The following PBX1 variants were observed in gnomAD, a reference collection of about 807,000 sequenced individuals.
PBX1 encodes the protein PBX homeobox 1.
In PBX1, 6 loss-of-function variants were observed where a neutral mutation model predicts 53.4. The ratio of observed to expected loss-of-function variants is 0.11; its 90% CI spans 0.06 to 0.22. The LOEUF is 0.22. PBX1 is among the 10% of genes least tolerant of loss of function. The pLI is 1.00. For synonymous variants in PBX1, 204 were observed against 212.3 expected, an observed-to-expected ratio of 0.96 and a Z score of 0.34; for missense variants, 251 against 551.4, an observed-to-expected ratio of 0.46 and a Z score of 5.46.
chr1:164,601,882 G>A (rs563860438), intron 2 of PBX1, among the ~76,000 whole-genome samples: 19 of 152,276 alleles, frequency 1.2e-4, no homozygotes, highest in Non-Finnish European at 2.6e-4. Context: ...ACTGCCCTCC[G>A]TTTCAGACAG....
intron 4 of PBX1, among the ~76,000 whole-genome samples, chr1:164,806,984 C>T (rs926768408): frequency 3.9e-5 from 6 of 152,126 alleles, no homozygotes; most frequent in Non-Finnish European, 7.4e-5. Flanking sequence ...TGGGGCTGGG[C>T]GCGGTGGCTC....
At chr1:164,661,546 C>A (rs1404289532) in intron 2 of PBX1, among the ~76,000 whole-genome samples, 1 of 151,866 alleles carries the variant, frequency 6.6e-6, no homozygotes, top group African/African-American at 2.4e-5. Context: ...CCTGCCTCAG[C>A]CTCCCGAGTA....
intron 2 of PBX1, among the ~76,000 whole-genome samples, chr1:164,711,432 T>G (rs1663771474): frequency 6.6e-6 from 1 of 152,114 alleles, no homozygotes; most frequent in African/African-American, 2.4e-5. Context: ...CCCGGCTAAT[T>G]TTTTGTATTT....
In PBX1 at chr1:164,848,479, G is replaced by A. The variant is rs991067355; in HGVS notation, c.*1803G>A. ...GGGAAGTAATGTCCCTGAAATAAAC[G>A]GGTTCATGCCATCTAGGGACAATAA... On this transcript the variant is annotated 3_prime_UTR_variant, in exon 9 of 9. Coordinates refer to ENST00000420696, the MANE Select transcript of PBX1 (RefSeq NM_002585.4). The A allele has an allele frequency of 3.8e-6, 4 of 1,057,590 alleles. No homozygotes were observed. Among genetic ancestry groups the A allele is most frequent in the East Asian group, 5.2e-5 (1 of 19,128 alleles). 65.5% of individuals were successfully genotyped at this position (1,057,590 alleles called of 1,614,324 possible). A position where few individuals can be genotyped will look rare whatever the true frequency, so the allele number is the denominator to read the frequency against.
At chr1:164,594,511 G>A (rs1468134621) in intron 2 of PBX1, among the ~76,000 whole-genome samples, 1 of 151,812 alleles carries the variant, frequency 6.6e-6, no homozygotes, top group African/African-American at 2.4e-5. Flanking sequence ...TCGAACTCCT[G>A]ACATGGTGAT....
At chr1:164,640,553 TTTG>T (rs74801377) in intron 2 of PBX1, among the ~76,000 whole-genome samples, 8 of 83,576 alleles carry the variant, frequency 9.6e-5, no homozygotes, top group South Asian at 5.4e-4. Flanking sequence ...GTGTTTTTTT[TTTG>T]TGTTTTTTTT....
At chr1:164,735,235 G>A (rs1383763453) in intron 2 of PBX1, among the ~76,000 whole-genome samples, 1 of 152,192 alleles carries the variant, frequency 6.6e-6, no homozygotes, top group Non-Finnish European at 1.5e-5. Context: ...TGTATTGACT[G>A]CTTAGAAAGG....
At chr1:164,564,211 T>C (rs947060408) in intron 2 of PBX1, among the ~76,000 whole-genome samples, 7 of 152,186 alleles carry the variant, frequency 4.6e-5, no homozygotes, top group Admixed American at 6.5e-5. Flanking sequence ...TCTGCTGGGC[T>C]CTGACTTACC....
intron 2 of PBX1, among the ~76,000 whole-genome samples, chr1:164,757,911 A>T (rs762201608): frequency 2.0e-5 from 3 of 151,956 alleles, no homozygotes; most frequent in Non-Finnish European, 2.9e-5. Context: ...CCAAGTACAT[A>T]CTCCCATGCT....
intron 6 of PBX1, chr1:164,814,886 C>T (rs528637251): frequency 6.6e-6 from 1 of 152,274 alleles, no homozygotes; most frequent in East Asian, 1.9e-4. Flanking sequence ...TCCATGTCTC[C>T]TATCTTCTTA....
intron 2 of PBX1, among the ~76,000 whole-genome samples, chr1:164,571,811 T>C (rs1056442398): frequency 2.1e-5 from 3 of 141,406 alleles, no homozygotes; most frequent in Non-Finnish European, 1.5e-5. Context: ...GTGGCTGCAG[T>C]AGGCACATTT....
Position 164,858,623 on chromosome 1 carries a change from T to C in PBX1, n.257+27140T>C, listed in dbSNP as rs372829381. ...ATTAAACAAAGAGGAAGGGAGAATTTGGGGTGACTGTGCAGTGTGGCCCAC... is the reference window on the plus strand; with the variant it reads ...ATTAAACAAAGAGGAAGGGAGAATTCGGGGTGACTGTGCAGTGTGGCCCAC... On this transcript the variant is annotated intron_variant and non_coding_transcript_variant, in intron 2 of 2. Coordinates refer to the PBX1 transcript ENST00000558796. Among the ~76,000 whole-genome samples, 3 of 152,272 alleles carry C rather than the reference T, an allele frequency of 2.0e-5. No homozygotes were observed. In the East Asian group the frequency reaches 5.8e-4, roughly 29 times the overall value.
At chr1:164,873,051 T>G (rs2102456727) in intron 2 of PBX1, among the ~76,000 whole-genome samples, 1 of 152,300 alleles carries the variant, frequency 6.6e-6, no homozygotes, top group East Asian at 1.9e-4. Flanking sequence ...TAATCCTCAT[T>G]TTATATTTAT....
chr1:164,573,593 G>T (rs965499448), intron 2 of PBX1, among the ~76,000 whole-genome samples: 1 of 151,082 alleles, frequency 6.6e-6, no homozygotes, highest in African/African-American at 2.4e-5. Flanking sequence ...CCGGGTTCAA[G>T]GGATTCTCCT....
intron 2 of PBX1, among the ~76,000 whole-genome samples, chr1:164,859,308 C>A (rs1407602953): frequency 6.6e-6 from 1 of 152,142 alleles, no homozygotes; most frequent in Non-Finnish European, 1.5e-5. Flanking sequence ...CTGGAGAGCC[C>A]TGAATTCCTG....
chr1:164,836,778 C>G (rs757444444), intron 8 of PBX1, among the ~76,000 whole-genome samples: 4 of 152,106 alleles, frequency 2.6e-5, no homozygotes, highest in Non-Finnish European at 4.4e-5. Context: ...GGTGACATAG[C>G]AATTATGGCT....
intron 2 of PBX1, among the ~76,000 whole-genome samples, chr1:164,601,207 G>T (rs751184292): frequency 7.6e-5 from 10 of 130,938 alleles, no homozygotes; most frequent in Non-Finnish European, 1.5e-4. Flanking sequence ...TTGCACTCCA[G>T]CCTGGGCGAC....
chr1:164,806,686 G>A lies in PBX1; in HGVS notation c.702-856G>A, dbSNP rs183385523. On this transcript the variant is annotated intron_variant, in intron 4 of 8. Coordinates refer to ENST00000420696, the MANE Select transcript of PBX1 (RefSeq NM_002585.4). ...TGACCTTTGAGCTCAGTTCTTCATC[G>A]GTAAATACGAATAATCATATCTGCC... Among the ~76,000 whole-genome samples the A allele has an allele frequency of 5.9e-5, 9 of 152,198 alleles. No individual in the cohort carries two copies. In the East Asian group the frequency reaches 1.7e-3, roughly 29 times the overall value.
chr1:164,753,972 C>A (rs1252454230), intron 2 of PBX1, among the ~76,000 whole-genome samples: 1 of 152,068 alleles, frequency 6.6e-6, no homozygotes, highest in Non-Finnish European at 1.5e-5. Flanking sequence ...GAGAAGGGGT[C>A]AGTACTCTTT....
Sources: allele counts gnomAD v4.1 joint callset (sites outside exome capture counted in the v4.1 genomes callset), GRCh38; gene constraint gnomAD v4.1.1; transcripts MANE v1.5; gene names NCBI Gene and HGNC (gene_info 2026-07-23, HGNC 2026-07-21).